HMGN4: variants seen among roughly 807,000 people sequenced by gnomAD.
HMGN4 encodes the protein high mobility group nucleosome-binding domain-containing protein 4.
For synonymous variants in HMGN4, 39 were observed against 39.1 expected (o/e 1.00, Z 0.01); for missense variants, 69 against 104.9 (o/e 0.66, Z 1.49).
At chr6:26,545,013 A>C in intron 1 of HMGN4, 114 bp from the exon 2 acceptor site, 1 of 372,706 alleles carries the variant, frequency 2.7e-6, no homozygotes, top group Non-Finnish European at 4.9e-6. Context: ...TACTTTTATT[A>C]TGCTATCTTT....
chr6:26,543,439 T>TTTTTTTTTTTTTTTTA (rs1764310613), intron 1 of HMGN4, among the ~76,000 whole-genome samples: 2 of 140,240 alleles, frequency 1.4e-5, no homozygotes, highest in African/African-American at 5.4e-5. Flanking sequence ...TTTTTTTTTT[T>TTTTTTTTTTTTTTTTA]GAAGCAGAGT....
intron 1 of HMGN4, among the ~76,000 whole-genome samples, chr6:26,543,421 C>CTTTTTTTTTTTTTTTTTTTTT (rs70977285): frequency 5.0e-5 from 4 of 80,136 alleles, no homozygotes; most frequent in African/African-American, 1.7e-4. Flanking sequence ...GCACCATTAC[C>CTTTTTTTTTTTTTTTTTTTTT]TTTTTTTTTT....
Position 26,545,200 on chromosome 6 carries a change from T to G in HMGN4, c.-7T>G. 1 of 1,600,602 alleles carries G rather than the reference T, an allele frequency of 6.2e-7. No homozygotes were observed. On this transcript the variant is annotated 5_prime_UTR_variant, in exon 2 of 2. Coordinates refer to ENST00000377575, the MANE Select transcript of HMGN4 (RefSeq NM_006353.3). ...TGCTCAAGCCACCTGCGAACACTGC[T>G]GCTACCATGCCCAAGAGAAAGGCAA...
chr6:26,540,328 C>CTTTTTTTTTTTT (rs11333869), intron 1 of HMGN4, among the ~76,000 whole-genome samples: 1 of 144,118 alleles, frequency 6.9e-6, no homozygotes. Flanking sequence ...GCCTGTGAAT[C>CTTTTTTTTTTTT]TTTTTTTTTT....
At chr6:26,544,646 ACT>A (rs1475228059) in intron 1 of HMGN4, among the ~76,000 whole-genome samples, 4 of 152,174 alleles carry the variant, frequency 2.6e-5, no homozygotes, top group East Asian at 3.8e-4. Context: ...ACAAATAACC[ACT>A]GTTTCCAAAA....
At chr6:26,539,634 T>TAAAAAAA (rs61003052) in intron 1 of HMGN4, among the ~76,000 whole-genome samples, 6 of 125,110 alleles carry the variant, frequency 4.8e-5, no homozygotes, top group Admixed American at 8.4e-5. Context: ...TCCGCAAAAT[T>TAAAAAAA]AAAAAAAAAA....
chr6:26,540,629 C>A (rs1306011628), intron 1 of HMGN4, among the ~76,000 whole-genome samples: 1 of 152,186 alleles, frequency 6.6e-6, no homozygotes, highest in East Asian at 1.9e-4. Flanking sequence ...CCACCACGCC[C>A]AGCATTTGCC....
intron 1 of HMGN4, among the ~76,000 whole-genome samples, chr6:26,541,352 T>C (rs1307666286): frequency 6.6e-6 from 1 of 152,218 alleles, no homozygotes; most frequent in East Asian, 1.9e-4. Context: ...ATTCTTACAC[T>C]GTTCCCTCCT....
intron 1 of HMGN4, 112 bp from the exon 2 acceptor site, chr6:26,545,015 G>T: frequency 2.7e-6 from 1 of 375,262 alleles, no homozygotes. Context: ...CTTTTATTAT[G>T]CTATCTTTTT....
In HMGN4 at chr6:26,538,762, A is replaced by C. The variant is rs569223418; in HGVS notation, c.-81+261A>C. 2.6e-5 allele frequency among the ~76,000 whole-genome samples: 4 copies of C among 152,244 alleles called. No individual in the cohort carries two copies. The East Asian group carries it at 7.7e-4, about 29-fold the overall frequency. On this transcript the variant is annotated intron_variant, in intron 1 of 1. Transcript: ENST00000377575. ...GAGCCGCAGGCCCGACCGGGATGAG[A>C]AGTCCTAATCGGCGTTCTAGGGGCG... is the stretch of plus-strand genomic sequence containing the variant.
chr6:26,545,660 A>G lies in HMGN4; in HGVS notation c.*181A>G. 2.5e-6 allele frequency: 1 copy of G among 399,562 alleles called. No homozygotes were observed. Among genetic ancestry groups the G allele is most frequent in the Non-Finnish European group, 4.5e-6 (1 of 221,552 alleles). 24.8% of individuals were successfully genotyped at this position (399,562 alleles called of 1,614,324 possible). A position where few individuals can be genotyped will look rare whatever the true frequency, so the allele number is the denominator to read the frequency against. On this transcript the variant is annotated 3_prime_UTR_variant, in exon 2 of 2. Coordinates refer to ENST00000377575, the MANE Select transcript of HMGN4 (RefSeq NM_006353.3). Reference sequence around the variant, plus strand: ...AAGTACCACTAATAGGGTGTATCTCAGAAACTGAATTGAAATAAGGGAAAA... The same window carrying G: ...AAGTACCACTAATAGGGTGTATCTCGGAAACTGAATTGAAATAAGGGAAAA...
rs142895565 is a variant in HMGN4 at position 26,545,371 on chromosome 6, G to C, written c.165G>C (p.Gly55=). 10 of 1,614,076 alleles carry C rather than the reference G, an allele frequency of 6.2e-6. No individual in the cohort carries two copies. The highest frequency in any genetic ancestry group is 7.6e-6 in the Non-Finnish European group (9 of 1,180,016). ...AGAAGGGAGAGAAGCTTCCCAAAGGGAGAAAGGGGAAAGCAGATGCTGGAA... is the reference window on the plus strand; with the variant it reads ...AGAAGGGAGAGAAGCTTCCCAAAGGCAGAAAGGGGAAAGCAGATGCTGGAA... ...SAKKGEKLPK[G]RKGKADAGKD... The change falls in exon 2 of 2, where the codon GGG becomes GGC. Residue 55 remains glycine, a synonymous_variant. Transcript: ENST00000377575.
In HMGN4 at chr6:26,545,215, G is replaced by C; in HGVS notation, c.9G>C (p.Lys3Asn). 6.2e-7 allele frequency: 1 copy of C among 1,607,000 alleles called. No individual in the cohort carries two copies. The highest frequency in any genetic ancestry group is 8.5e-7 in the Non-Finnish European group (1 of 1,176,248). The change falls in exon 2 of 2, where the codon AAG becomes AAC. Residue 3 changes from lysine (K) to asparagine (N), a missense_variant. Transcript: ENST00000377575. MP[K>N]RKAKGDAKGD... Reference sequence around the variant, plus strand: ...CGAACACTGCTGCTACCATGCCCAAGAGAAAGGCAAAAGGAGATGCTAAAG... The same window carrying C: ...CGAACACTGCTGCTACCATGCCCAACAGAAAGGCAAAAGGAGATGCTAAAG...
At chr6:26,540,604 G>A (rs548535661) in intron 1 of HMGN4, among the ~76,000 whole-genome samples, 2 of 152,316 alleles carry the variant, frequency 1.3e-5, no homozygotes, top group South Asian at 2.1e-4. Flanking sequence ...AAAGTGCTGG[G>A]ATTACAGGCG....
At chr6:26,538,772 C>A (rs1000756525) in intron 1 of HMGN4, among the ~76,000 whole-genome samples, 40 of 152,268 alleles carry the variant, frequency 2.6e-4, no homozygotes, top group African/African-American at 8.9e-4. Context: ...AAGTCCTAAT[C>A]GGCGTTCTAG....
intron 1 of HMGN4, among the ~76,000 whole-genome samples, chr6:26,543,008 G>A (rs1303014821): frequency 6.6e-6 from 1 of 152,176 alleles, no homozygotes; most frequent in Non-Finnish European, 1.5e-5. Context: ...AGGGAAATGT[G>A]TGCTAGGCCA....
intron 1 of HMGN4, among the ~76,000 whole-genome samples, chr6:26,539,114 C>T (rs376696508): frequency 5.9e-5 from 9 of 152,324 alleles, no homozygotes; most frequent in African/African-American, 1.9e-4. Flanking sequence ...TAATCAAACG[C>T]TTTTATGAGA....
In HMGN4 at chr6:26,546,109, C is replaced by T. The variant is rs1182856636; in HGVS notation, c.*630C>T. 1 of 167,036 alleles carries T rather than the reference C, an allele frequency of 6.0e-6. No individual in the cohort carries two copies. The highest frequency in any genetic ancestry group is 2.4e-5 in the African/African-American group (1 of 41,424). The allele number at this position is 167,036 out of a possible 1,614,324, so 10.3% of individuals were successfully genotyped here. On this transcript the variant is annotated 3_prime_UTR_variant, in exon 2 of 2. Coordinates refer to ENST00000377575, the MANE Select transcript of HMGN4 (RefSeq NM_006353.3). Reference sequence around the variant, plus strand: ...AAATCTTTCTTGTTCAAAACAGCAACGACATATCTTGTTAACTTTTACGGT... The same window carrying T: ...AAATCTTTCTTGTTCAAAACAGCAATGACATATCTTGTTAACTTTTACGGT...
intron 1 of HMGN4, 35 bp from the exon 2 acceptor site, chr6:26,545,092 C>T: frequency 7.0e-6 from 6 of 854,510 alleles, no homozygotes; most frequent in South Asian, 2.8e-5. Flanking sequence ...TCAGTCTTTC[C>T]CTTTATGGTT....
Sources: allele counts gnomAD v4.1 joint callset (sites outside exome capture counted in the v4.1 genomes callset), GRCh38; gene constraint gnomAD v4.1.1; transcripts MANE v1.5; gene names NCBI Gene and HGNC (gene_info 2026-07-23, HGNC 2026-07-21).